Variants in MYB observed in about 807,000 individuals in gnomAD.
The protein encoded by MYB is transcriptional activator Myb.
MYB carries 28 observed loss-of-function variants against 92.9 expected under a neutral mutation model. The ratio of observed to expected loss-of-function variants is 0.30; its 90% CI spans 0.22 to 0.41. MYB has a LOEUF of 0.41. MYB is among the 10% of genes least tolerant of loss of function. The probability of loss-of-function intolerance (pLI) is 1.00; values close to 1 mark genes in which losing one functional copy is unlikely to be tolerated. For synonymous variants in MYB, 295 were observed against 329.1 expected, an observed-to-expected ratio of 0.90 and a Z score of 1.12; for missense variants, 679 against 929.3, an observed-to-expected ratio of 0.73 and a Z score of 3.50.
At chr6:135,209,516 G>A (rs751010356) in intron 15 of MYB, among the ~76,000 whole-genome samples, 1 of 152,204 alleles carries the variant, frequency 6.6e-6, no homozygotes, top group Non-Finnish European at 1.5e-5. Context: ...TTACAGGCGT[G>A]AGCTGCCACA....
rs1187113884 is a variant in MYB at position 135,207,812 on chromosome 6, G to A, written c.2169+4488G>A. Among the ~76,000 whole-genome samples, 4 of 145,734 alleles carry A rather than the reference G, an allele frequency of 2.7e-5. No homozygotes were observed. The Admixed American group carries it at 2.8e-4, about 10-fold the overall frequency. On this transcript the variant is annotated intron_variant, in intron 15 of 15. Transcript: ENST00000341911. The stretch of plus-strand genomic sequence containing the variant: ...TGCAGTGACGCAATCTCAGCTCACT[G>A]TAACCTCTGCCTCCCAGGTTCAAGC...
chr6:135,194,414 T>G lies in MYB; in HGVS notation c.902T>G (p.Leu301Arg). Residue 301 changes from leucine to arginine, a missense_variant, in exon 8 of 16, where the codon CTC becomes CGC. This residue lies in a region of MYB where 43 missense variants were observed against 87.9 expected (regional missense o/e 0.49). Transcript: ENST00000341911. ...KEKRIKELEL[L>R]LMSTENELKG... Reference sequence around the variant, plus strand: ...AAGCGAATAAAGGAATTAGAATTGCTCCTAATGTCAACCGAGAATGAGCTA... The same window carrying G: ...AAGCGAATAAAGGAATTAGAATTGCGCCTAATGTCAACCGAGAATGAGCTA... The G allele has an allele frequency of 6.2e-7, 1 of 1,614,002 alleles. No individual in the cohort carries two copies. The highest frequency in any genetic ancestry group is 8.5e-7 in the Non-Finnish European group (1 of 1,179,928).
At chr6:135,194,681 C>T in intron 8 of MYB, 1 of 565,896 alleles carries the variant, frequency 1.8e-6, no homozygotes, top group South Asian at 2.6e-5. Context: ...ATGCAATATC[C>T]ACTTATGATT....
At chr6:135,183,021 T>C (rs1374386650) in intron 1 of MYB, among the ~76,000 whole-genome samples, 1 of 147,810 alleles carries the variant, frequency 6.8e-6, no homozygotes, top group Non-Finnish European at 1.5e-5. Context: ...TTTTTTTTTT[T>C]TTTTTTTCGA....
intron 14 of MYB, chr6:135,202,726 T>G (rs1778303570): frequency 3.2e-6 from 1 of 312,616 alleles, no homozygotes; most frequent in Non-Finnish European, 6.3e-6. Flanking sequence ...ACAAAGAGGC[T>G]TAGTCATTTG....
chr6:135,181,654 T>C lies in MYB; in HGVS notation c.23+118T>C. On this transcript the variant is annotated intron_variant, in intron 1 of 15. Transcript: ENST00000341911. This position sits in a 1 kb window ranked among gnomAD's most constrained non-coding sequence, Gnocchi z 5.3. ...GATCATCTGAGGGGCTGTCAGACCC[T>C]CCGAGGACCTGGAGCCCCTGCCTCG... 2 of 664,552 alleles carry C rather than the reference T, an allele frequency of 3.0e-6. No individual in the cohort carries two copies. Among genetic ancestry groups the C allele is most frequent in the Non-Finnish European group, 2.0e-6 (1 of 504,816 alleles). The allele number at this position is 664,552 out of a possible 1,614,324, so 41.2% of individuals were successfully genotyped here.
At chr6:135,183,431 T>C (rs1583228266) in intron 1 of MYB, among the ~76,000 whole-genome samples, 1 of 152,302 alleles carries the variant, frequency 6.6e-6, no homozygotes, top group East Asian at 1.9e-4. Flanking sequence ...CTTGACAGAA[T>C]GTAACATTCA....
At chr6:135,199,462 A>G in intron 11 of MYB, 1 of 487,264 alleles carries the variant, frequency 2.1e-6, no homozygotes, top group Non-Finnish European at 2.9e-6. Context: ...TTATTTGTTT[A>G]TTATTTATTT....
At chr6:135,216,322 T>A (rs1278520691) in intron 15 of MYB, among the ~76,000 whole-genome samples, 1 of 152,156 alleles carries the variant, frequency 6.6e-6, no homozygotes, top group Non-Finnish European at 1.5e-5. Context: ...ACCATATAAT[T>A]TTTTTTATTA....
At chr6:135,215,084 A>G (rs1346119069) in intron 15 of MYB, among the ~76,000 whole-genome samples, 2 of 152,212 alleles carry the variant, frequency 1.3e-5, no homozygotes, top group Non-Finnish European at 2.9e-5. Context: ...TTCTATTCAT[A>G]GACAGTGCTG....
chr6:135,210,478 A>G (rs1451877390), intron 15 of MYB, among the ~76,000 whole-genome samples: 1 of 152,262 alleles, frequency 6.6e-6, no homozygotes, highest in Non-Finnish European at 1.5e-5. Flanking sequence ...TGTTGCTAGC[A>G]GTTGATACTC....
At chr6:135,207,852 A>G (rs930797058) in intron 15 of MYB, among the ~76,000 whole-genome samples, 22 of 150,006 alleles carry the variant, frequency 1.5e-4, no homozygotes, top group African/African-American at 5.4e-4. Flanking sequence ...CTCCTGCCTC[A>G]GTCCCCTGAG....
chr6:135,200,022 G>T, intron 11 of MYB, 63 bp from the exon 12 acceptor site: 4 of 1,264,026 alleles, frequency 3.2e-6, no homozygotes, highest in South Asian at 2.4e-5. Flanking sequence ...AAATGTAACA[G>T]GTAAAGCCAT....
intron 15 of MYB, among the ~76,000 whole-genome samples, chr6:135,212,057 C>A (rs1158250533): frequency 6.6e-6 from 1 of 151,932 alleles, no homozygotes; most frequent in Non-Finnish European, 1.5e-5. Context: ...AAGGAATTCT[C>A]ATTTTTAGAA....
intron 15 of MYB, among the ~76,000 whole-genome samples, chr6:135,216,413 T>A (rs1780443143): frequency 6.6e-6 from 1 of 152,234 alleles, no homozygotes; most frequent in South Asian, 2.1e-4. Context: ...GCTGTGAGTG[T>A]ATTTATCGTT....
chr6:135,194,714 A>G lies in MYB; in HGVS notation c.948+254A>G, dbSNP rs143503394. On this transcript the variant is annotated intron_variant, in intron 8 of 15. Transcript: ENST00000341911. ...ATTGTTATCATCAATTTTTTTCTTC[A>G]GAAGGACTATAATCAGTTTAAAGAC... The G allele has an allele frequency of 4.0e-5, 23 of 571,784 alleles. 1 individual carries two copies. The highest frequency in any genetic ancestry group is 8.3e-5 in the South Asian group (3 of 36,236). The allele number at this position is 571,784 out of a possible 1,614,324, so 35.4% of individuals were successfully genotyped here.
chr6:135,194,834 A>G (rs1777085615), intron 8 of MYB: 20 of 1,038,526 alleles, frequency 1.9e-5, no homozygotes, highest in Non-Finnish European at 1.8e-5. Context: ...TTGTTAACCT[A>G]TATTTTCATA....
At chr6:135,184,843 C>T (rs118119552) in intron 1 of MYB, among the ~76,000 whole-genome samples, 73 of 152,120 alleles carry the variant, frequency 4.8e-4, no homozygotes, top group Non-Finnish European at 9.1e-4. Context: ...AGTATTTTTC[C>T]TATTTTAAGT....
chr6:135,184,322 C>CTTTTTTT, intron 1 of MYB, among the ~76,000 whole-genome samples: 31 of 68,386 alleles, frequency 4.5e-4, no homozygotes, highest in Non-Finnish European at 7.1e-4. Context: ...GGCTTTATAG[C>CTTTTTTT]TTTTTTTTTT....
Sources: allele counts gnomAD v4.1 joint callset (sites outside exome capture counted in the v4.1 genomes callset), GRCh38; gene constraint gnomAD v4.1.1; regional missense constraint gnomAD v4.1.1; non-coding constraint Gnocchi (gnomAD v3.1); transcripts MANE v1.5; gene names NCBI Gene and HGNC (gene_info 2026-07-23, HGNC 2026-07-21).